The following CHCHD6 variants were observed in gnomAD, a reference collection of about 807,000 sequenced individuals.
The protein encoded by CHCHD6 is MICOS complex subunit MIC25.
CHCHD6 carries 28 observed loss-of-function variants against 32.3 expected under a neutral mutation model. The ratio of observed to expected loss-of-function variants is 0.87; its 90% CI spans 0.64 to 1.19. CHCHD6 has a LOEUF of 1.19. Ranked by LOEUF, CHCHD6 falls within the 50% of genes most tolerant of loss-of-function variation. The pLI, the probability that CHCHD6 is intolerant of heterozygous loss-of-function variation, is 0.00. For missense variants in CHCHD6, 333 were observed against 307.0 expected (o/e 1.08, Z -0.63); for synonymous variants, 122 against 117.5 (o/e 1.04, Z -0.25).
At position 126,846,769 on chromosome 3, in the gene CHCHD6, G is replaced by A. The variant is rs554961329; in HGVS notation, c.412-5878G>A. Among the ~76,000 whole-genome samples the A allele has an allele frequency of 4.6e-5, 7 of 152,222 alleles. No homozygotes were observed. In the South Asian group the frequency reaches 1.5e-3, roughly 32 times the overall value. On this transcript the variant is annotated intron_variant, in intron 4 of 7. Transcript: ENST00000290913. ...ATTAATTCCAGTCTGGGCCATTAAT[G>A]TGTCTGGTTCCAGTATTTTATCTCT...
chr3:126,834,086 CA>C (rs1940759373), intron 4 of CHCHD6, among the ~76,000 whole-genome samples: 1 of 144,472 alleles, frequency 6.9e-6, no homozygotes, highest in East Asian at 2.0e-4. Flanking sequence ...AAAGAATTAC[CA>C]ATAACGTTAC....
At chr3:126,715,580 G>A (rs942496094) in intron 1 of CHCHD6, among the ~76,000 whole-genome samples, 1 of 152,074 alleles carries the variant, frequency 6.6e-6, no homozygotes, top group African/African-American at 2.4e-5. Context: ...GTAGCCTCTT[G>A]TAGCTTCCTG....
chr3:126,856,112 G>T (rs187821821), intron 5 of CHCHD6, among the ~76,000 whole-genome samples: 2 of 152,194 alleles, frequency 1.3e-5, no homozygotes, highest in East Asian at 3.9e-4. Flanking sequence ...ACTAATGATG[G>T]CTGATGAGCT....
At chr3:126,931,394 C>T (rs1427901749) in intron 6 of CHCHD6, among the ~76,000 whole-genome samples, 1 of 152,220 alleles carries the variant, frequency 6.6e-6, no homozygotes, top group Non-Finnish European at 1.5e-5. Flanking sequence ...TGCTGGGTTG[C>T]CTGCTTCTGC....
intron 5 of CHCHD6, among the ~76,000 whole-genome samples, chr3:126,896,855 G>C (rs2077848084): frequency 6.6e-6 from 1 of 152,180 alleles, no homozygotes; most frequent in Non-Finnish European, 1.5e-5. Context: ...GCTGGAGAGG[G>C]AAACAGTGAG....
At chr3:126,798,241 A>G (rs935222502) in intron 4 of CHCHD6, among the ~76,000 whole-genome samples, 1 of 152,086 alleles carries the variant, frequency 6.6e-6, no homozygotes, top group Admixed American at 6.5e-5. Flanking sequence ...TCTCCGCTTC[A>G]TCTCCAAAGG....
At chr3:126,866,271 C>G (rs921032666) in intron 5 of CHCHD6, among the ~76,000 whole-genome samples, 1 of 152,124 alleles carries the variant, frequency 6.6e-6, no homozygotes, top group African/African-American at 2.4e-5. Flanking sequence ...ATTGAGTGGT[C>G]CCACTTGCAA....
intron 4 of CHCHD6, among the ~76,000 whole-genome samples, chr3:126,754,935 C>T (rs1048868467): frequency 2.6e-5 from 4 of 152,128 alleles, no homozygotes; most frequent in African/African-American, 9.7e-5. Flanking sequence ...GTGGCTGCTG[C>T]CAGTCTCCTG....
At chr3:126,912,568 C>T (rs568993931) in intron 5 of CHCHD6, among the ~76,000 whole-genome samples, 1 of 152,316 alleles carries the variant, frequency 6.6e-6, no homozygotes, top group East Asian at 1.9e-4. Context: ...TCCATTATCT[C>T]CTTGGCTCAG....
intron 5 of CHCHD6, among the ~76,000 whole-genome samples, chr3:126,907,404 G>C (rs2078022538): frequency 6.6e-6 from 1 of 152,144 alleles, no homozygotes; most frequent in African/African-American, 2.4e-5. Context: ...TTCATTCATT[G>C]GTTGTGTAGC....
intron 4 of CHCHD6, among the ~76,000 whole-genome samples, chr3:126,773,608 T>TC (rs1285177954): frequency 2.5e-4 from 37 of 145,492 alleles, no homozygotes; most frequent in African/African-American, 9.1e-4. Context: ...TTTTCTTTTT[T>TC]TTTTTTTTTT....
chr3:126,886,847 C>G (rs1170335575), intron 5 of CHCHD6, among the ~76,000 whole-genome samples: 2 of 152,274 alleles, frequency 1.3e-5, no homozygotes, highest in East Asian at 3.9e-4. Flanking sequence ...AGATGGGATT[C>G]AGCCTCACTC....
At chr3:126,836,178 C>T (rs761366076) in intron 4 of CHCHD6, among the ~76,000 whole-genome samples, 17 of 152,250 alleles carry the variant, frequency 1.1e-4, no homozygotes, top group Non-Finnish European at 2.9e-5. Context: ...GGCCCTGCGC[C>T]GTTAGGCCCC....
chr3:126,934,568 A>T (rs187806138), intron 6 of CHCHD6, among the ~76,000 whole-genome samples: 1,718 of 60,800 alleles, frequency 0.028, 56 homozygotes, highest in East Asian at 0.16. Flanking sequence ...TTTTTTTTTG[A>T]GACTGAGTCT....
intron 4 of CHCHD6, among the ~76,000 whole-genome samples, chr3:126,806,221 AGCTTCT>A (rs1282778905): frequency 6.6e-6 from 1 of 152,166 alleles, no homozygotes; most frequent in Admixed American, 6.5e-5. Context: ...TAAACTAAAG[AGCTTCT>A]GCACAGCAAA....
chr3:126,765,958 CGT>C (rs1203104854), intron 4 of CHCHD6, among the ~76,000 whole-genome samples: 1 of 152,148 alleles, frequency 6.6e-6, no homozygotes, highest in Non-Finnish European at 1.5e-5. Flanking sequence ...AGCATGTGAG[CGT>C]GGTTTTGGAT....
chr3:126,746,629 T>G (rs1392760336), intron 4 of CHCHD6, among the ~76,000 whole-genome samples: 1 of 152,152 alleles, frequency 6.6e-6, no homozygotes, highest in Non-Finnish European at 1.5e-5. Context: ...CACCTTATCT[T>G]CGTGCTGACA....
chr3:126,867,356 A>C (rs972990638), intron 5 of CHCHD6, among the ~76,000 whole-genome samples: 1 of 152,182 alleles, frequency 6.6e-6, no homozygotes, highest in South Asian at 2.1e-4. Flanking sequence ...CAGCAGCTAC[A>C]TGAATATGCA....
intron 5 of CHCHD6, among the ~76,000 whole-genome samples, chr3:126,895,837 T>G (rs535127890): frequency 2.6e-5 from 4 of 152,220 alleles, no homozygotes; most frequent in African/African-American, 4.8e-5. Context: ...CTGAAAGGCC[T>G]TAGGGCAGCA....
Sources: allele counts gnomAD v4.1 joint callset (sites outside exome capture counted in the v4.1 genomes callset), GRCh38; gene constraint gnomAD v4.1.1; transcripts MANE v1.5; gene names NCBI Gene and HGNC (gene_info 2026-07-23, HGNC 2026-07-21).